ASTN1: variants seen among roughly 807,000 people sequenced by gnomAD.
ASTN1 encodes the protein astrotactin 1.
A neutral mutation model predicts 140.7 loss-of-function variants in ASTN1; 41 were observed. The observed-to-expected ratio is 0.29, with a 90% confidence interval of 0.23 to 0.38. The LOEUF is 0.38. ASTN1 is among the 10% of genes least tolerant of loss of function. ASTN1 has a pLI of 1.00. For synonymous variants in ASTN1, 640 were observed against 652.2 expected (o/e 0.98, Z 0.29); for missense variants, 1,479 against 1,678.8 (o/e 0.88, Z 2.08).
chr1:177,053,832 A>C (rs1677662848), intron 2 of ASTN1, among the ~76,000 whole-genome samples: 1 of 152,134 alleles, frequency 6.6e-6, no homozygotes, highest in Admixed American at 6.5e-5. Context: ...GTGTGACTGA[A>C]GCCAAGGTTA....
intron 1 of ASTN1, among the ~76,000 whole-genome samples, chr1:177,146,367 C>G (rs1415435754): frequency 1.3e-5 from 2 of 152,202 alleles, no homozygotes; most frequent in Non-Finnish European, 2.9e-5. Context: ...CGCCAAAACT[C>G]AAGCATTAAT....
chr1:176,921,484 G>T (rs943960364), intron 16 of ASTN1, among the ~76,000 whole-genome samples: 2 of 152,250 alleles, frequency 1.3e-5, no homozygotes, highest in South Asian at 2.1e-4. Flanking sequence ...CTTCTGCAAA[G>T]AAAACTTTCC....
At chr1:176,990,171 G>A (rs1479781334) in intron 8 of ASTN1, among the ~76,000 whole-genome samples, 3 of 119,538 alleles carry the variant, frequency 2.5e-5, no homozygotes, top group African/African-American at 6.5e-5. Flanking sequence ...ACCAAGGAGC[G>A]GCTTTTTATC....
intron 17 of ASTN1, among the ~76,000 whole-genome samples, chr1:176,892,859 G>A (rs1254892776): frequency 6.6e-6 from 1 of 152,174 alleles, no homozygotes; most frequent in Non-Finnish European, 1.5e-5. Flanking sequence ...ACAGCGGATG[G>A]CAAAGACAAA....
chr1:176,962,010 T>G (rs1431652610), intron 9 of ASTN1, among the ~76,000 whole-genome samples: 1 of 152,228 alleles, frequency 6.6e-6, no homozygotes, highest in East Asian at 1.9e-4. Context: ...GGCTGTGGTC[T>G]CACCATGGCT....
chr1:177,093,531 G>A (rs1295232199), intron 1 of ASTN1, among the ~76,000 whole-genome samples: 1 of 152,064 alleles, frequency 6.6e-6, no homozygotes, highest in African/African-American at 2.4e-5. Flanking sequence ...CGGTCAAAAG[G>A]AACAAAAGGG....
chr1:176,973,224 T>C (rs189634158), intron 8 of ASTN1, among the ~76,000 whole-genome samples: 47 of 152,310 alleles, frequency 3.1e-4, no homozygotes, highest in African/African-American at 8.4e-4. Context: ...ACTTATTGTT[T>C]CTAATGCCAC....
At chr1:177,092,208 G>C (rs1309637095) in intron 1 of ASTN1, among the ~76,000 whole-genome samples, 1 of 152,140 alleles carries the variant, frequency 6.6e-6, no homozygotes, top group Non-Finnish European at 1.5e-5. Context: ...AGGCTGTGAA[G>C]TTGGAATCTC....
intron 1 of ASTN1, among the ~76,000 whole-genome samples, chr1:177,157,054 A>C (rs1683269084): frequency 6.6e-6 from 1 of 152,236 alleles, no homozygotes; most frequent in South Asian, 2.1e-4. Context: ...GTGATGACTA[A>C]GTGTACTGTG....
chr1:177,118,263 C>T (rs867914593), intron 1 of ASTN1, among the ~76,000 whole-genome samples: 1 of 152,080 alleles, frequency 6.6e-6, no homozygotes, highest in African/African-American at 2.4e-5. Flanking sequence ...TAGGTAATAA[C>T]AATGGTCTTT....
At position 176,861,166 on chromosome 1, in the gene ASTN1, G is replaced by A. The variant is rs1667946196; in HGVS notation, c.*3118C>T. 2.1e-6 allele frequency: 2 copies of A among 956,000 alleles called. No homozygotes were observed. Among genetic ancestry groups the A allele is most frequent in the African/African-American group, 3.5e-5 (2 of 56,642 alleles). 59.2% of individuals were successfully genotyped at this position (956,000 alleles called of 1,614,324 possible). On this transcript the variant is annotated 3_prime_UTR_variant, in exon 23 of 23. Coordinates refer to ENST00000361833, the MANE Select transcript of ASTN1 (RefSeq NM_004319.3). Reference sequence around the variant, plus strand: ...AACAACACTGTTATACCTGAAGATGGTCATATTATATTCTTTCTTCCTTCT... The same window carrying A: ...AACAACACTGTTATACCTGAAGATGATCATATTATATTCTTTCTTCCTTCT...
At chr1:176,965,618 T>G (rs1672843813) in intron 8 of ASTN1, among the ~76,000 whole-genome samples, 1 of 149,778 alleles carries the variant, frequency 6.7e-6, no homozygotes, top group African/African-American at 2.5e-5. Flanking sequence ...ATCAGACAGT[T>G]CTGGATTCAA....
intron 1 of ASTN1, among the ~76,000 whole-genome samples, chr1:177,144,225 G>A (rs947149821): frequency 1.3e-5 from 2 of 151,250 alleles, no homozygotes; most frequent in African/African-American, 4.9e-5. Context: ...AAACATGTCC[G>A]GAGATGAGAT....
intron 12 of ASTN1, among the ~76,000 whole-genome samples, chr1:176,947,030 C>T (rs1259895987): frequency 6.6e-6 from 1 of 152,172 alleles, no homozygotes; most frequent in African/African-American, 2.4e-5. Flanking sequence ...TCATTTATTC[C>T]TATCCACAGT....
chr1:177,035,286 T>C (rs1046014301), intron 2 of ASTN1, among the ~76,000 whole-genome samples: 1 of 152,084 alleles, frequency 6.6e-6, no homozygotes, highest in Non-Finnish European at 1.5e-5. Flanking sequence ...GAATGAGCAT[T>C]GCTCACTGGA....
intron 8 of ASTN1, among the ~76,000 whole-genome samples, chr1:176,983,001 G>C (rs1673698302): frequency 6.6e-6 from 1 of 152,136 alleles, no homozygotes; most frequent in South Asian, 2.1e-4. Flanking sequence ...ATTTGCAAAA[G>C]GACACTGGAA....
chr1:177,090,587 A>G (rs1386250891), intron 1 of ASTN1, among the ~76,000 whole-genome samples: 1 of 152,166 alleles, frequency 6.6e-6, no homozygotes, highest in Non-Finnish European at 1.5e-5. Flanking sequence ...CCCAATACCC[A>G]TTTGATAATA....
chr1:176,947,312 GA>G (rs1311788822), intron 12 of ASTN1, among the ~76,000 whole-genome samples: 1 of 152,196 alleles, frequency 6.6e-6, no homozygotes, highest in East Asian at 1.9e-4. Context: ...ACTATTTGTA[GA>G]AGTAGAGGTG....
At position 177,023,410 on chromosome 1, in the gene ASTN1, C is replaced by G. The variant is rs377210940; in HGVS notation, c.1432G>C (p.Glu478Gln). Residue 478 changes from glutamate to glutamine, a missense_variant, in exon 7 of 23, where the codon GAA becomes CAA. This residue lies in a region of ASTN1 where 729 missense variants were observed against 860.4 expected (regional missense o/e 0.85). Transcript: ENST00000361833. ...LDPCEHQCDP[E>Q]TGECLCYEGY... is the part of the protein sequence containing the mutation. The stretch of plus-strand genomic sequence containing the variant: ...GCCCGGTGCTCCCGCCTACCAGTTT[C>G]GGGGTCACATTGGTGTTCACAGGGG... 1 of 1,591,564 alleles carries G rather than the reference C, an allele frequency of 6.3e-7. No individual in the cohort carries two copies. The highest frequency in any genetic ancestry group is 8.6e-7 in the Non-Finnish European group (1 of 1,168,780).
Sources: gnomAD v4.1 joint callset for allele counts (sites outside exome capture counted in the v4.1 genomes callset) on GRCh38, gnomAD v4.1.1 for gene constraint, gnomAD v4.1.1 regional missense constraint, MANE v1.5 for transcripts, NCBI Gene and HGNC (gene_info 2026-07-23, HGNC 2026-07-21) for gene names.